Variants in MEAF6 observed in about 807,000 individuals in gnomAD.
The protein encoded by MEAF6 is chromatin modification-related protein MEAF6.
In MEAF6, 15 loss-of-function variants were observed where a neutral mutation model predicts 28.9. The observed-to-expected ratio is 0.52, with a 90% CI of 0.35 to 0.80. The LOEUF is 0.80. Among genes scored for constraint, MEAF6 ranks in the 30% least tolerant of loss-of-function variants. The pLI is 0.01. For synonymous variants in MEAF6, 97 were observed against 88.7 expected, an observed-to-expected ratio of 1.09 and a Z score of -0.53; for missense variants, 178 against 237.5, an observed-to-expected ratio of 0.75 and a Z score of 1.65.
chr1:37,495,780 A>G, intron 6 of MEAF6, 105 bp downstream of exon 6: 2 of 1,052,926 alleles, frequency 1.9e-6, no homozygotes, highest in Non-Finnish European at 2.9e-6. Flanking sequence ...TTAAATCAAG[A>G]GTTATGACTC....
rs564356699 is a variant in MEAF6, at chr1:37,491,626, A to G, written c.*2473T>C. On this transcript the variant is annotated 3_prime_UTR_variant, in exon 7 of 7. Coordinates refer to ENST00000296214, the MANE Select transcript of MEAF6 (RefSeq NM_001270875.3). ...AAGCAGGAAGATGGCTTGACCCCAG[A>G]AGTTCGAGGCTGCACTGAGCTTTGA... Among the ~76,000 whole-genome samples the G allele has an allele frequency of 4.6e-5, 7 of 152,094 alleles. No homozygotes were observed. The highest frequency in any genetic ancestry group is 1.4e-4 in the African/African-American group (6 of 41,472).
At chr1:37,505,222 C>T (rs1010560775) in intron 4 of MEAF6, among the ~76,000 whole-genome samples, 1 of 152,016 alleles carries the variant, frequency 6.6e-6, no homozygotes, top group Non-Finnish European at 1.5e-5. Flanking sequence ...TTATAATCTG[C>T]TAGGAAGAGA....
intron 6 of MEAF6, among the ~76,000 whole-genome samples, 166 bp downstream of exon 6, chr1:37,495,719 A>AC (rs1642110916): frequency 7.5e-6 from 1 of 132,474 alleles, no homozygotes; most frequent in Non-Finnish European, 1.8e-5. Context: ...AAAAAAAAAA[A>AC]CAAAAAAACC....
intron 5 of MEAF6, among the ~76,000 whole-genome samples, chr1:37,497,197 C>T (rs1256720866): frequency 2.0e-5 from 3 of 152,146 alleles, no homozygotes; most frequent in East Asian, 1.9e-4. Flanking sequence ...AAAAGGAAAA[C>T]ATTTCACAAA....
rs553030000 is a variant in MEAF6 at position 37,509,905 on chromosome 1, T to C, written c.207-363A>G. ...GATTCTCCTGCCTCAGCCTCCCAAG[T>C]AGCCAGGATTACAGGTGCCCACCAC... On this transcript the variant is annotated intron_variant, in intron 2 of 6. Coordinates refer to ENST00000296214, the MANE Select transcript of MEAF6 (RefSeq NM_001270875.3). Among the ~76,000 whole-genome samples the C allele has an allele frequency of 4.6e-5, 7 of 152,168 alleles. No individual in the cohort carries two copies. In the East Asian group the frequency reaches 1.2e-3, roughly 25 times the overall value.
rs1642027031 is a variant in MEAF6, at chr1:37,493,913, C to A, written c.*186G>T. On this transcript the variant is annotated 3_prime_UTR_variant, in exon 7 of 7. Coordinates refer to ENST00000296214, the MANE Select transcript of MEAF6 (RefSeq NM_001270875.3). ...TACTAAAAATGACATAAAGTAAGAC[C>A]CAATGTCTTACAGAAATGACTTGTT... 6.3e-7 allele frequency: 1 copy of A among 1,583,602 alleles called. No individual in the cohort carries two copies. The highest frequency in any genetic ancestry group is 1.9e-5 in the Admixed American group (1 of 51,446).
intron 2 of MEAF6, among the ~76,000 whole-genome samples, chr1:37,511,596 G>T (rs12063783): frequency 6.0e-4 from 91 of 152,266 alleles, no homozygotes; most frequent in African/African-American, 1.9e-3. Context: ...ACAAATAATA[G>T]GACAATGTGA....
intron 4 of MEAF6, among the ~76,000 whole-genome samples, chr1:37,506,635 G>A (rs556809796): frequency 2.2e-4 from 33 of 152,148 alleles, no homozygotes; most frequent in Non-Finnish European, 4.3e-4. Context: ...CTCTCACCTC[G>A]GCCTCCCAAA....
chr1:37,500,606 C>T (rs187835136), intron 5 of MEAF6, among the ~76,000 whole-genome samples: 105 of 152,274 alleles, frequency 6.9e-4, no homozygotes, highest in African/African-American at 2.4e-3. Context: ...ACTATTTCTG[C>T]AGTCTAGAAA....
chr1:37,513,044 G>C (rs1642719046), intron 2 of MEAF6, among the ~76,000 whole-genome samples: 1 of 152,162 alleles, frequency 6.6e-6, no homozygotes, highest in Admixed American at 6.5e-5. Flanking sequence ...AAAAAAATTA[G>C]CCAGGCATGG....
intron 5 of MEAF6, 46 bp downstream of exon 5, chr1:37,501,758 C>T: frequency 6.8e-7 from 1 of 1,463,622 alleles, no homozygotes; most frequent in Non-Finnish European, 9.1e-7. Context: ...ATTCCCTTCA[C>T]AGCAATGGTC....
Position 37,491,799 on chromosome 1 carries a change from G to A in MEAF6, c.*2300C>T, listed in dbSNP as rs1404291282. Among the ~76,000 whole-genome samples, 1 of 151,696 alleles carries A rather than the reference G, an allele frequency of 6.6e-6. No homozygotes were observed. Among genetic ancestry groups the A allele is most frequent in the Non-Finnish European group, 1.5e-5 (1 of 67,980 alleles). ...TGTCTCCAGCAATGTCAAACTATGA[G>A]AGTCAAAAATATTTTAAGGTCTGCT... is the stretch of plus-strand genomic sequence containing the variant. On this transcript the variant is annotated 3_prime_UTR_variant, in exon 7 of 7. Coordinates refer to ENST00000296214, the MANE Select transcript of MEAF6 (RefSeq NM_001270875.3).
At chr1:37,494,920 T>C (rs2148059854) in intron 6 of MEAF6, among the ~76,000 whole-genome samples, 1 of 151,676 alleles carries the variant, frequency 6.6e-6, no homozygotes, top group South Asian at 2.1e-4. Context: ...TCTGAGTCCA[T>C]AAAGGGATTG....
chr1:37,494,133 A>T, intron 6 of MEAF6, 26 bp from the exon 7 acceptor site: 1 of 1,600,094 alleles, frequency 6.2e-7, no homozygotes, highest in Non-Finnish European at 8.6e-7. Flanking sequence ...CAAAAGTCCC[A>T]ACTTACTCTC....
Position 37,493,702 on chromosome 1 carries a change from A to T in MEAF6, c.*397T>A, listed in dbSNP as rs1208471346. On this transcript the variant is annotated 3_prime_UTR_variant, in exon 7 of 7. Coordinates refer to ENST00000296214, the MANE Select transcript of MEAF6 (RefSeq NM_001270875.3). ...AAAATGCCAGATATTTACAGCCTCCATCTGAAATGTGACTTGTGTTCTACT... is the reference window on the plus strand; with the variant it reads ...AAAATGCCAGATATTTACAGCCTCCTTCTGAAATGTGACTTGTGTTCTACT... The T allele has an allele frequency of 3.4e-6, 4 of 1,187,378 alleles. No individual in the cohort carries two copies. The highest frequency in any genetic ancestry group is 4.9e-6 in the Non-Finnish European group (4 of 823,480). The allele number at this position is 1,187,378 out of a possible 1,614,324, so 73.6% of individuals were successfully genotyped here.
intron 4 of MEAF6, among the ~76,000 whole-genome samples, chr1:37,504,107 A>C (rs1343167492): frequency 6.6e-6 from 1 of 152,156 alleles, no homozygotes; most frequent in Non-Finnish European, 1.5e-5. Context: ...TTCCTGTGAT[A>C]GTGAGGGAGT....
Position 37,501,933 on chromosome 1 carries a change from G to A in MEAF6, c.404C>T (p.Pro135Leu), listed in dbSNP as rs780206755. The change falls in exon 5 of 7, where the codon CCC becomes CTC. Residue 135 changes from proline (P) to leucine (L), a missense_variant. Transcript: ENST00000296214. ...SPDFHNQENE[P>L]SQEDPEDLDG... The stretch of plus-strand genomic sequence containing the variant: ...CAGATCCTCAGGGTCCTCCTGGCTG[G>A]GCTCATTTTCCTGATTGTGGAAGTC... 1 of 1,610,724 alleles carries A rather than the reference G, an allele frequency of 6.2e-7. No homozygotes were observed. The highest frequency in any genetic ancestry group is 8.5e-7 in the Non-Finnish European group (1 of 1,177,426).
At chr1:37,513,187 G>A (rs1240765995) in intron 2 of MEAF6, among the ~76,000 whole-genome samples, 3 of 152,206 alleles carry the variant, frequency 2.0e-5, no homozygotes, top group African/African-American at 7.2e-5. Flanking sequence ...TAAAGATACT[G>A]TATTTAAGCC....
intron 1 of MEAF6, chr1:37,513,963 G>A (rs772181701): frequency 4.9e-6 from 1 of 202,700 alleles, no homozygotes; most frequent in East Asian, 1.2e-4. Context: ...CGCCGACACC[G>A]GGCTGCCAGT....
Sources: allele counts gnomAD v4.1 joint callset (sites outside exome capture counted in the v4.1 genomes callset), GRCh38; gene constraint gnomAD v4.1.1; transcripts MANE v1.5; gene names NCBI Gene and HGNC (gene_info 2026-07-23, HGNC 2026-07-21).